The following COL4A3 variants were observed in gnomAD, a reference collection of about 807,000 sequenced individuals.
The protein encoded by COL4A3 is collagen alpha-3(IV) chain.
COL4A3 carries 135 observed loss-of-function variants against 217.4 expected under a neutral mutation model. The ratio of observed to expected loss-of-function variants is 0.62; its 90% CI spans 0.54 to 0.72. The LOEUF (loss-of-function observed/expected upper bound fraction) is 0.72, where lower values mean the gene tolerates loss of function less well. COL4A3 is among the 30% of genes least tolerant of loss of function. The pLI is 0.00. For missense variants in COL4A3, 1,868 were observed against 2,119.9 expected (o/e 0.88, Z 2.33); for synonymous variants, 690 against 736.3 (o/e 0.94, Z 1.02).
chr2:227,280,500 G>A lies in COL4A3; in HGVS notation c.2284G>A (p.Gly762Ser), dbSNP rs983885088. The change falls in exon 30 of 52, where the codon GGC (glycine) becomes AGC (serine). Residue 762 changes from glycine to serine, a missense_variant. Around this residue, in one of 2 missense-constraint regions of COL4A3, gnomAD observed 1,503 missense variants for 1,786.1 expected, o/e 0.84. Transcript: ENST00000396578. ...PGTPGFPGER[G>S]NSGEHGEIGL... ...AACACCAGGTTTTCCAGGAGAAAGA[G>A]GCAATTCTGGGGAACATGGAGAAAT... 4 of 1,614,016 alleles carry A rather than the reference G, an allele frequency of 2.5e-6. No individual in the cohort carries two copies. Among genetic ancestry groups the A allele is most frequent in the African/African-American group, 2.7e-5 (2 of 74,914 alleles).
At chr2:227,196,024 T>C (rs2066461992) in intron 1 of COL4A3, among the ~76,000 whole-genome samples, 1 of 152,100 alleles carries the variant, frequency 6.6e-6, no homozygotes, top group Non-Finnish European at 1.5e-5. Flanking sequence ...AGCTGTACCA[T>C]GTGTTTGTGG....
rs1559896717 is a variant in COL4A3, at chr2:227,282,275, A to ATATATATATACATATATATAT, written c.2489-90_2489-89insTATATATATACATATATATAT. On this transcript the variant is annotated intron_variant, in intron 31 of 51. Coordinates refer to ENST00000396578, the MANE Select transcript of COL4A3 (RefSeq NM_000091.5). The surrounding 1 kb of genome is among the most constrained non-coding windows in gnomAD (Gnocchi z 4.4). Reference sequence around the variant, plus strand: ...AGACAGAGGGAGATTCCATCTTAAAAATATATATATATATATATATATATA... The same window carrying ATATATATATACATATATATAT: ...AGACAGAGGGAGATTCCATCTTAAAATATATATATACATATATATATATATATATATATATATATATATATA... 4.7e-4 allele frequency: 166 copies of ATATATATATACATATATATAT among 354,528 alleles called. 1 individual carries two copies. Among genetic ancestry groups the ATATATATATACATATATATAT allele is most frequent in the African/African-American group, 3.8e-3 (152 of 40,028 alleles). 22.0% of individuals were successfully genotyped at this position (354,528 alleles called of 1,614,324 possible). A position where few individuals can be genotyped will look rare whatever the true frequency, so the allele number is the denominator to read the frequency against.
chr2:227,165,970 C>T (rs1462122958), intron 1 of COL4A3, among the ~76,000 whole-genome samples: 1 of 152,158 alleles, frequency 6.6e-6, no homozygotes, highest in Non-Finnish European at 1.5e-5. Flanking sequence ...TTTACACACA[C>T]ACATATGAAC....
intron 27 of COL4A3, among the ~76,000 whole-genome samples, chr2:227,277,225 G>A (rs1420440690): frequency 2.6e-5 from 4 of 151,614 alleles, no homozygotes; most frequent in African/African-American, 7.3e-5. Flanking sequence ...AGGCTGAGGC[G>A]GGAGAATGGC....
At chr2:227,277,133 C>T (rs1406581735) in intron 27 of COL4A3, among the ~76,000 whole-genome samples, 1 of 152,036 alleles carries the variant, frequency 6.6e-6, no homozygotes, top group Non-Finnish European at 1.5e-5. Context: ...GTCTGGCTAA[C>T]ATGGTGAAAC....
intron 1 of COL4A3, among the ~76,000 whole-genome samples, chr2:227,232,069 T>C (rs1358817799): frequency 1.3e-5 from 2 of 152,246 alleles, no homozygotes; most frequent in African/African-American, 4.8e-5. Flanking sequence ...TGTTTGTCTT[T>C]CTGTACCTGG....
At chr2:227,277,058 G>A (rs577235703) in intron 27 of COL4A3, among the ~76,000 whole-genome samples, 9 of 152,272 alleles carry the variant, frequency 5.9e-5, no homozygotes, top group Admixed American at 2.6e-4. Context: ...GGTGGCTCAC[G>A]CCTGTAATCC....
intron 1 of COL4A3, among the ~76,000 whole-genome samples, chr2:227,204,331 C>T (rs1224564567): frequency 6.6e-6 from 1 of 152,154 alleles, no homozygotes; most frequent in Non-Finnish European, 1.5e-5. Context: ...CCACCTGGTA[C>T]TGCTTCTATT....
Position 227,216,325 on chromosome 2 carries a change from C to G in COL4A3, c.88-21643C>G, listed in dbSNP as rs12469327. Among the ~76,000 whole-genome samples the G allele has an allele frequency of 1.7e-4, 26 of 152,128 alleles. No individual in the cohort carries two copies. In the East Asian group the frequency reaches 4.8e-3, roughly 28 times the overall value. ...AAAATGTACTGACTGGGTATATAAA[C>G]GCCACCCTTTCCTGTCAATTTCAGT... On this transcript the variant is annotated intron_variant, in intron 1 of 51. Transcript: ENST00000396578.
chr2:227,226,488 TA>T (rs777126357), intron 1 of COL4A3, among the ~76,000 whole-genome samples: 172 of 151,722 alleles, frequency 1.1e-3, no homozygotes, highest in Admixed American at 1.3e-3. Context: ...TTTTTTTTTT[TA>T]GATGGAGTCT....
At chr2:227,195,370 TCAAA>T (rs1423714380) in intron 1 of COL4A3, among the ~76,000 whole-genome samples, 2 of 152,124 alleles carry the variant, frequency 1.3e-5, no homozygotes, top group Non-Finnish European at 2.9e-5. Context: ...CAATGATGTT[TCAAA>T]CAAAGACACA....
At chr2:227,271,255 G>T (rs1323887189) in intron 25 of COL4A3, among the ~76,000 whole-genome samples, 1 of 152,120 alleles carries the variant, frequency 6.6e-6, no homozygotes, top group Non-Finnish European at 1.5e-5. Flanking sequence ...TTCAGAAAAT[G>T]ATGTATAGTA....
At position 227,279,851 on chromosome 2, in the gene COL4A3, G is replaced by T. The variant is rs779837475; in HGVS notation, c.2184G>T (p.Glu728Asp). ...GSLGCPGKMG[E>D]PGLPGKPGLP... ...TGGGTTGTCCTGGAAAAATGGGAGA[G>T]CCTGGGTTACCTGGAAAGCCAGGCC... Residue 728 changes from glutamate to aspartate, a missense_variant, in exon 29 of 52, where the codon GAG (glutamate) becomes GAT (aspartate). By Grantham distance (45) the Glu-to-Asp change is conservative. Transcript: ENST00000396578. The T allele has an allele frequency of 1.2e-5, 20 of 1,609,950 alleles. No homozygotes were observed. In the East Asian group the frequency reaches 3.3e-4, roughly 27 times the overall value.
intron 1 of COL4A3, among the ~76,000 whole-genome samples, chr2:227,228,060 A>G (rs1169276434): frequency 6.6e-6 from 1 of 152,218 alleles, no homozygotes; most frequent in Non-Finnish European, 1.5e-5. Flanking sequence ...CAGAGTTAGT[A>G]ATCTGTATGC....
At chr2:227,268,982 A>G (rs1052004519) in intron 23 of COL4A3, among the ~76,000 whole-genome samples, 2 of 152,208 alleles carry the variant, frequency 1.3e-5, no homozygotes, top group South Asian at 4.1e-4. Flanking sequence ...GTGCAGCTCA[A>G]AGAAGATATG....
intron 1 of COL4A3, among the ~76,000 whole-genome samples, chr2:227,183,274 C>T (rs1299551441): frequency 6.6e-6 from 1 of 152,172 alleles, no homozygotes; most frequent in African/African-American, 2.4e-5. Flanking sequence ...AAGAGATGAC[C>T]TCCCACACTC....
intron 1 of COL4A3, among the ~76,000 whole-genome samples, chr2:227,215,994 A>G (rs1447395351): frequency 1.3e-5 from 2 of 152,230 alleles, no homozygotes; most frequent in Non-Finnish European, 2.9e-5. Context: ...CAAATACTGC[A>G]CGATTCCATT....
rs374897638 is a variant in COL4A3 at position 227,298,942 on chromosome 2, C to T, written c.3882+130C>T. 1.6e-4 allele frequency: 147 copies of T among 904,656 alleles called. No homozygotes were observed. In the African/African-American group the frequency reaches 2.3e-3, roughly 14 times the overall value. The allele number at this position is 904,656 out of a possible 1,614,324, so 56.0% of individuals were successfully genotyped here. ...TCCATTCTCATGATGTTAATAAAGA[C>T]ATACCCGAGACTGGGTAATTTATAA... On this transcript the variant is annotated intron_variant, in intron 43 of 51. Transcript: ENST00000396578.
chr2:227,309,672 G>A (rs1175147380), intron 50 of COL4A3, among the ~76,000 whole-genome samples: 1 of 151,994 alleles, frequency 6.6e-6, no homozygotes, highest in Non-Finnish European at 1.5e-5. Context: ...AGTGATTTTG[G>A]CTCACTGCAA....
Sources: allele counts gnomAD v4.1 joint callset (sites outside exome capture counted in the v4.1 genomes callset), GRCh38; gene constraint gnomAD v4.1.1; regional missense constraint gnomAD v4.1.1; non-coding constraint Gnocchi (gnomAD v3.1); transcripts MANE v1.5; gene names NCBI Gene and HGNC (gene_info 2026-07-23, HGNC 2026-07-21).